Variants in CAMKMT observed in about 807,000 individuals in gnomAD.
CAMKMT encodes the protein calmodulin-lysine N-methyltransferase, also known as CaM KMT.
Under a neutral mutation model 48.0 loss-of-function variants are expected in CAMKMT, and 53 were observed. The observed-to-expected ratio is 1.10, with a 90% CI of 0.89 to 1.39. The LOEUF (loss-of-function observed/expected upper bound fraction) is 1.39. Among genes scored for constraint, CAMKMT ranks in the 40% most tolerant of loss-of-function variants. The pLI, the probability that CAMKMT is intolerant of heterozygous loss-of-function variation, is 0.00. For synonymous variants in CAMKMT, 165 were observed against 152.3 expected (o/e 1.08, Z -0.61); for missense variants, 428 against 402.7 (o/e 1.06, Z -0.54).
chr2:44,398,641 T>C (rs1252048428), intron 3 of CAMKMT, among the ~76,000 whole-genome samples: 1 of 151,456 alleles, frequency 6.6e-6, no homozygotes, highest in Non-Finnish European at 1.5e-5. Context: ...TGTTTTAACA[T>C]AGCCCCTTCT....
chr2:44,664,739 T>C (rs920561846), intron 3 of CAMKMT, among the ~76,000 whole-genome samples: 2 of 152,072 alleles, frequency 1.3e-5, no homozygotes, highest in Non-Finnish European at 2.9e-5. Flanking sequence ...GCCTCCTCAG[T>C]GGAGAGAAAG....
chr2:44,613,959 A>G (rs10153682), intron 3 of CAMKMT, among the ~76,000 whole-genome samples: 86,313 of 152,000 alleles, frequency 0.57, 25,948 homozygotes, highest in Admixed American at 0.67. Flanking sequence ...AATATTAATT[A>G]AAGGCAGAAA....
intron 3 of CAMKMT, among the ~76,000 whole-genome samples, chr2:44,633,551 C>G (rs140770046): frequency 6.6e-6 from 1 of 152,042 alleles, no homozygotes. Flanking sequence ...TAAGCCTATC[C>G]GACAAAATTT....
chr2:44,572,918 C>T (rs1668998187), intron 3 of CAMKMT, among the ~76,000 whole-genome samples: 2 of 152,184 alleles, frequency 1.3e-5, no homozygotes, highest in Admixed American at 6.5e-5. Context: ...ACAAGGGTTC[C>T]AATTGTATCT....
At chr2:44,562,441 C>A (rs56975001) in intron 3 of CAMKMT, among the ~76,000 whole-genome samples, 3,287 of 152,242 alleles carry the variant, frequency 0.022, 95 homozygotes, top group African/African-American at 0.065. Flanking sequence ...TCATTTAATT[C>A]ACACAACATC....
At chr2:44,732,071 A>T (rs767197880) in intron 7 of CAMKMT, among the ~76,000 whole-genome samples, 6 of 152,106 alleles carry the variant, frequency 3.9e-5, no homozygotes, top group Non-Finnish European at 8.8e-5. Flanking sequence ...CCTGTCTCAG[A>T]CTCCTGAGTA....
intron 3 of CAMKMT, among the ~76,000 whole-genome samples, chr2:44,393,757 G>A (rs1393610420): frequency 2.0e-5 from 3 of 152,130 alleles, no homozygotes; most frequent in Non-Finnish European, 4.4e-5. Flanking sequence ...TGGGTAACAA[G>A]GGAGTGCTCT....
intron 3 of CAMKMT, among the ~76,000 whole-genome samples, chr2:44,560,739 A>C (rs570258934): frequency 6.6e-6 from 1 of 152,328 alleles, no homozygotes; most frequent in Non-Finnish European, 1.5e-5. Context: ...AACAAAGCCT[A>C]CCTATGCCCA....
chr2:44,575,400 T>G (rs897352596), intron 3 of CAMKMT, among the ~76,000 whole-genome samples: 12 of 152,120 alleles, frequency 7.9e-5, no homozygotes, highest in Non-Finnish European at 1.6e-4. Flanking sequence ...ATTTAGATAT[T>G]CTTTTATATT....
intron 3 of CAMKMT, chr2:44,549,526 A>G (rs891221431): frequency 1.0e-5 from 7 of 693,674 alleles, no homozygotes; most frequent in African/African-American, 7.1e-5. Context: ...CCTAAAATGT[A>G]TATATAATTT....
chr2:44,738,574 A>G (rs1057449798), intron 7 of CAMKMT, among the ~76,000 whole-genome samples: 1 of 152,208 alleles, frequency 6.6e-6, no homozygotes, highest in African/African-American at 2.4e-5. Flanking sequence ...TCCATATGGC[A>G]TATTTATTGA....
In CAMKMT at chr2:44,758,939, G is replaced by A. The variant is rs75655054; in HGVS notation, c.762+4821G>A. ...AGCATGAGTTTACTCAGGACCAGAG[G>A]ATAGAATATTGACAGTAATCCAGCT... On this transcript the variant is annotated intron_variant, in intron 9 of 10. Coordinates refer to ENST00000378494, the MANE Select transcript of CAMKMT (RefSeq NM_024766.5). Among the ~76,000 whole-genome samples the A allele has an allele frequency of 6.2e-3, 947 of 152,300 alleles. 10 individuals are homozygous for A. Among genetic ancestry groups the A allele is most frequent in the African/African-American group, 0.022 (903 of 41,566 alleles).
intron 3 of CAMKMT, among the ~76,000 whole-genome samples, chr2:44,415,307 G>A (rs1296869689): frequency 6.6e-6 from 1 of 152,178 alleles, no homozygotes; most frequent in Non-Finnish European, 1.5e-5. Flanking sequence ...AAAATGACTT[G>A]TTTTTAAATT....
intron 3 of CAMKMT, among the ~76,000 whole-genome samples, chr2:44,488,871 G>A (rs113660682): frequency 1.1e-4 from 16 of 148,860 alleles, no homozygotes; most frequent in African/African-American, 3.6e-4. Context: ...GTGTGTGTGT[G>A]TGTGTGTTTT....
chr2:44,717,689 G>A (rs1445893123), intron 7 of CAMKMT, among the ~76,000 whole-genome samples: 1 of 152,146 alleles, frequency 6.6e-6, no homozygotes. Context: ...AAGCCCACAT[G>A]TGAGCCAAAT....
At chr2:44,414,447 G>A (rs1024595069) in intron 3 of CAMKMT, among the ~76,000 whole-genome samples, 2 of 152,090 alleles carry the variant, frequency 1.3e-5, no homozygotes, top group African/African-American at 4.8e-5. Flanking sequence ...TTGTTGGCAG[G>A]CCTCAGTTTC....
At chr2:44,548,639 T>A (rs1354434698) in intron 3 of CAMKMT, among the ~76,000 whole-genome samples, 1 of 152,128 alleles carries the variant, frequency 6.6e-6, no homozygotes, top group Non-Finnish European at 1.5e-5. Context: ...CCCCTTTAAA[T>A]CTGGGTCTAG....
At chr2:44,628,500 C>T (rs1345275762) in intron 3 of CAMKMT, among the ~76,000 whole-genome samples, 1 of 151,274 alleles carries the variant, frequency 6.6e-6, no homozygotes, top group Non-Finnish European at 1.5e-5. Context: ...ATTTTTCTAG[C>T]TTCTGAAAGT....
At chr2:44,437,900 G>C (rs1666378301) in intron 3 of CAMKMT, among the ~76,000 whole-genome samples, 1 of 150,194 alleles carries the variant, frequency 6.7e-6, no homozygotes. Context: ...TACCTTCTCT[G>C]AGTCTTCTTT....
Sources: allele counts gnomAD v4.1 joint callset (sites outside exome capture counted in the v4.1 genomes callset), GRCh38; gene constraint gnomAD v4.1.1; transcripts MANE v1.5; gene names NCBI Gene and HGNC (gene_info 2026-07-23, HGNC 2026-07-21).